Variants in RAF1 observed in about 807,000 individuals in gnomAD.
RAF1 encodes Raf-1 proto-oncogene, serine/threonine kinase.
A neutral mutation model predicts 81.1 loss-of-function variants in RAF1; 27 were observed. That is an observed-to-expected ratio of 0.33 (90% CI 0.25 to 0.46). RAF1 has a LOEUF of 0.46. Among genes scored for constraint, RAF1 ranks in the 20% least tolerant of loss-of-function variants. The probability of loss-of-function intolerance (pLI) is 1.00; values close to 1 mark genes in which losing one functional copy is unlikely to be tolerated. For missense variants in RAF1, 598 were observed against 826.0 expected (o/e 0.72, Z 3.38); for synonymous variants, 298 against 294.0 (o/e 1.01, Z -0.14).
chr3:12,626,275 T>C (rs559715480), intron 1 of RAF1, among the ~76,000 whole-genome samples: 65 of 148,114 alleles, frequency 4.4e-4, no homozygotes, highest in African/African-American at 1.5e-3. Flanking sequence ...AACCAAACAT[T>C]AAAAAAAAAA....
intron 8 of RAF1, chr3:12,603,363 G>C: frequency 1.8e-6 from 1 of 546,462 alleles, no homozygotes; most frequent in Non-Finnish European, 3.3e-6. Flanking sequence ...GGAAACAAGT[G>C]ACAAGAAATA....
chr3:12,592,871 G>A, intron 11 of RAF1, among the ~76,000 whole-genome samples: 1 of 151,428 alleles, frequency 6.6e-6, no homozygotes, highest in South Asian at 2.1e-4. Context: ...GAGTAGCTGG[G>A]ACTACAGGCA....
chr3:12,599,638 C>T, intron 11 of RAF1, 53 bp downstream of exon 10: 1 of 1,451,804 alleles, frequency 6.9e-7, no homozygotes, highest in Admixed American at 1.7e-5. Flanking sequence ...TGGGCTGAAA[C>T]TTGACTTCAC....
In RAF1 at chr3:12,655,351, G is replaced by C. The variant is rs566619446; in HGVS notation, c.-27+8462C>G. Among the ~76,000 whole-genome samples, 4 of 152,330 alleles carry C rather than the reference G, an allele frequency of 2.6e-5. No individual in the cohort carries two copies. The East Asian group carries it at 7.7e-4, about 29-fold the overall frequency. On this transcript the variant is annotated intron_variant, in intron 1 of 17. Transcript: ENST00000442415. ...TCCGCCCGCCTCGGCCTCCCAAAGTGCTGGGATTACAGGCATGAGCCACCG... is the reference window on the plus strand; with the variant it reads ...TCCGCCCGCCTCGGCCTCCCAAAGTCCTGGGATTACAGGCATGAGCCACCG...
At chr3:12,651,600 GC>G (rs150807176) in intron 1 of RAF1, among the ~76,000 whole-genome samples, 8,252 of 151,174 alleles carry the variant, frequency 0.055, 316 homozygotes, top group Non-Finnish European at 0.083. Flanking sequence ...GTTGCCGTGA[GC>G]CGAGATCGCA....
chr3:12,626,411 A>C (rs1204578909), intron 1 of RAF1, among the ~76,000 whole-genome samples: 1 of 151,900 alleles, frequency 6.6e-6, no homozygotes, highest in East Asian at 1.9e-4. Context: ...AAACATACCA[A>C]GACCCCGTCT....
intron 3 of RAF1, among the ~76,000 whole-genome samples, chr3:12,611,201 G>A (rs2059196055): frequency 6.6e-6 from 1 of 151,810 alleles, no homozygotes; most frequent in Non-Finnish European, 1.5e-5. Context: ...CCTAACATGT[G>A]TTTGTTTTTG....
rs558700400 is a variant in RAF1 at position 12,648,862 on chromosome 3, C to A, written c.-27+14951G>T. Among the ~76,000 whole-genome samples, 19 of 152,342 alleles carry A rather than the reference C, an allele frequency of 1.2e-4. No individual in the cohort carries two copies. The South Asian group carries it at 2.5e-3, about 20-fold the overall frequency. On this transcript the variant is annotated intron_variant, in intron 1 of 17. Transcript: ENST00000442415. Reference sequence around the variant, plus strand: ...GGATGCGGTGGCTCACGCCTGTAATCCCAGCACTTTAGGAGGCCGACGTGG... The same window carrying A: ...GGATGCGGTGGCTCACGCCTGTAATACCAGCACTTTAGGAGGCCGACGTGG...
At position 12,584,010 on chromosome 3, in the gene RAF1, CAG is replaced by C. The variant is rs756237249; in HGVS notation, c.*502_*503del. ...ACCAAAGCAGGCTCCTTCGGGCGGC[CAG>C]AGTCTCGGCAGTCCTGGGCTGTTTG... On this transcript the variant is annotated 3_prime_UTR_variant, in exon 18 of 18. Coordinates refer to ENST00000442415, the MANE Select transcript of RAF1 (RefSeq NM_001354689.3). 1 of 251,832 alleles carries C rather than the reference CAG, an allele frequency of 4.0e-6. No homozygotes were observed. 15.6% of individuals were successfully genotyped at this position (251,832 alleles called of 1,614,324 possible).
intron 4 of RAF1, 44 bp downstream of exon 4, chr3:12,609,189 C>G (rs2059132786): frequency 1.4e-6 from 2 of 1,435,282 alleles, no homozygotes; most frequent in South Asian, 2.3e-5. Flanking sequence ...TTATGCCTGG[C>G]AAAGCCCTCA....
chr3:12,615,782 T>C (rs546422411), intron 2 of RAF1, among the ~76,000 whole-genome samples: 4 of 152,304 alleles, frequency 2.6e-5, no homozygotes, highest in African/African-American at 9.6e-5. Flanking sequence ...CCGGGTGCAG[T>C]GGCTCATGTC....
At chr3:12,610,465 TA>T (rs1348242293) in intron 3 of RAF1, among the ~76,000 whole-genome samples, 1 of 152,150 alleles carries the variant, frequency 6.6e-6, no homozygotes, top group Non-Finnish European at 1.5e-5. Flanking sequence ...GACTCCAGAG[TA>T]GCTCCAAACC....
At chr3:12,655,070 TCA>T (rs1456205072) in intron 1 of RAF1, among the ~76,000 whole-genome samples, 4 of 150,170 alleles carry the variant, frequency 2.7e-5, no homozygotes, top group African/African-American at 4.9e-5. Flanking sequence ...TACAACCACT[TCA>T]CAGTCATTAG....
rs188287426 is a variant in RAF1, at chr3:12,659,705, A to C, written c.-27+4108T>G. ...AGATCTGAACAACTTAAAAACAAAA[A>C]CTAAGTCAAAAAGCTCAATTTTATG... On this transcript the variant is annotated intron_variant, in intron 1 of 17. Transcript: ENST00000442415. Among the ~76,000 whole-genome samples the C allele has an allele frequency of 4.7e-3, 721 of 152,288 alleles. 8 individuals are homozygous for C. The highest frequency in any genetic ancestry group is 0.016 in the African/African-American group (669 of 41,564).
chr3:12,658,088 C>G (rs1466387141), intron 1 of RAF1, among the ~76,000 whole-genome samples: 1 of 152,116 alleles, frequency 6.6e-6, no homozygotes, highest in Admixed American at 6.5e-5. Flanking sequence ...CTTTTTATTA[C>G]TGAGTAACAT....
intron 1 of RAF1, among the ~76,000 whole-genome samples, chr3:12,648,698 A>C (rs2060428142): frequency 6.6e-6 from 1 of 152,076 alleles, no homozygotes; most frequent in Admixed American, 6.6e-5. Context: ...GTGAGCCGAG[A>C]TCGCACCACT....
At chr3:12,626,750 G>A (rs192301694) in intron 1 of RAF1, among the ~76,000 whole-genome samples, 7 of 151,866 alleles carry the variant, frequency 4.6e-5, no homozygotes, top group Non-Finnish European at 7.4e-5. Context: ...TTCGCCAGGC[G>A]GGGTGGCTCA....
rs1260935888 is a variant in RAF1, at chr3:12,584,995, A to G, written c.1729-14T>C. 6 of 1,614,012 alleles carry G rather than the reference A, an allele frequency of 3.7e-6. No homozygotes were observed. The highest frequency in any genetic ancestry group is 5.1e-6 in the Non-Finnish European group (6 of 1,180,018). The stretch of plus-strand genomic sequence containing the variant: ...CATGAAGATGATCTAAGGGAAAGAA[A>G]ACAGCTGAGCTAATGGGGGGTGAAT... On this transcript the variant is annotated splice_polypyrimidine_tract_variant and intron_variant, in intron 16 of 17. Transcript: ENST00000442415.
intron 13 of RAF1, chr3:12,587,941 A>G: frequency 4.6e-6 from 1 of 215,276 alleles, no homozygotes; most frequent in Non-Finnish European, 8.8e-6. Flanking sequence ...CCGGGACCAC[A>G]GGCATGTGCC....
Sources: gnomAD v4.1 joint callset for allele counts (sites outside exome capture counted in the v4.1 genomes callset) on GRCh38, gnomAD v4.1.1 for gene constraint, MANE v1.5 for transcripts, NCBI Gene and HGNC (gene_info 2026-07-23, HGNC 2026-07-21) for gene names.